The following TENM4 variants were observed in gnomAD, a reference collection of about 807,000 sequenced individuals.
TENM4 encodes teneurin transmembrane protein 4.
In TENM4, 82 loss-of-function variants were observed where a neutral mutation model predicts 243.3. The ratio of observed to expected loss-of-function variants is 0.34; its 90% CI spans 0.28 to 0.40. TENM4 has a LOEUF of 0.40. TENM4 is among the 10% of genes least tolerant of loss of function. The probability of loss-of-function intolerance (pLI) is 1.00; values close to 1 mark genes in which losing one functional copy is unlikely to be tolerated. For synonymous variants in TENM4, 1,412 were observed against 1,456.3 expected (o/e 0.97, Z 0.69); for missense variants, 3,138 against 3,673.3 (o/e 0.85, Z 3.77).
At chr11:79,028,003 C>T (rs1206296372) in intron 6 of TENM4, among the ~76,000 whole-genome samples, 1 of 152,124 alleles carries the variant, frequency 6.6e-6, no homozygotes, top group East Asian at 1.9e-4. Flanking sequence ...TCAAATAAAC[C>T]CTGAGAAGCC....
At chr11:79,414,168 ACAC>A (rs1565336637) in intron 1 of TENM4, among the ~76,000 whole-genome samples, 1 of 151,940 alleles carries the variant, frequency 6.6e-6, no homozygotes, top group African/African-American at 2.4e-5. Flanking sequence ...ACACACACAC[ACAC>A]ACACACACAC....
At chr11:78,801,608 G>T (rs1857284079) in intron 15 of TENM4, among the ~76,000 whole-genome samples, 3 of 152,170 alleles carry the variant, frequency 2.0e-5, no homozygotes, top group Admixed American at 2.0e-4. Flanking sequence ...TGAGTGCAGG[G>T]CATGTTGATT....
At chr11:79,412,255 A>T (rs1391521235) in intron 1 of TENM4, among the ~76,000 whole-genome samples, 1 of 152,282 alleles carries the variant, frequency 6.6e-6, no homozygotes, top group Non-Finnish European at 1.5e-5. Flanking sequence ...GATAACCAAC[A>T]GGCTGTGAGA....
At chr11:78,819,390 T>C (rs1424284164) in intron 12 of TENM4, among the ~76,000 whole-genome samples, 5 of 152,232 alleles carry the variant, frequency 3.3e-5, no homozygotes, top group Non-Finnish European at 7.3e-5. Flanking sequence ...TCTAAAATCC[T>C]GAAGCCTCAT....
chr11:79,271,074 CATG>C (rs1483193430), intron 2 of TENM4, among the ~76,000 whole-genome samples: 1 of 152,122 alleles, frequency 6.6e-6, no homozygotes, highest in Non-Finnish European at 1.5e-5. Context: ...AGTCATTTTT[CATG>C]ATGACTTCTG....
intron 15 of TENM4, among the ~76,000 whole-genome samples, chr11:78,800,334 G>T (rs1857254697): frequency 6.6e-6 from 1 of 152,174 alleles, no homozygotes; most frequent in African/African-American, 2.4e-5. Context: ...TGAAGGAGGT[G>T]AAATGATGCC....
chr11:79,378,422 G>T (rs1857934462), intron 1 of TENM4, among the ~76,000 whole-genome samples: 1 of 152,264 alleles, frequency 6.6e-6, no homozygotes, highest in Non-Finnish European at 1.5e-5. Context: ...GACTGGTGGA[G>T]AAGGAACATT....
intron 4 of TENM4, among the ~76,000 whole-genome samples, chr11:79,079,232 C>G (rs527481321): frequency 6.6e-5 from 10 of 152,284 alleles, no homozygotes; most frequent in Admixed American, 5.9e-4. Context: ...CCGCTGTCTA[C>G]AGAAGCCATC....
At position 78,957,000 on chromosome 11, in the gene TENM4, A is replaced by T. The variant is rs149352026; in HGVS notation, c.494-53477T>A. On this transcript the variant is annotated intron_variant, in intron 6 of 33. Transcript: ENST00000278550. The stretch of plus-strand genomic sequence containing the variant: ...CCAATAAATTAAATACCAATTTTAA[A>T]GGGTCTCTCTGTTTAGAATACCCTT... Among the ~76,000 whole-genome samples, 968 of 152,342 alleles carry T rather than the reference A, an allele frequency of 6.4e-3. 10 individuals carry two copies. The highest frequency in any genetic ancestry group is 0.022 in the African/African-American group (928 of 41,580).
At chr11:79,020,094 T>C (rs1161784487) in intron 6 of TENM4, among the ~76,000 whole-genome samples, 1 of 152,188 alleles carries the variant, frequency 6.6e-6, no homozygotes, top group African/African-American at 2.4e-5. Flanking sequence ...ACTTCTTTGT[T>C]AAATAGAACA....
At chr11:79,263,640 G>A (rs538569884) in intron 2 of TENM4, among the ~76,000 whole-genome samples, 13 of 152,200 alleles carry the variant, frequency 8.5e-5, no homozygotes, top group Non-Finnish European at 1.5e-4. Context: ...CTTGTTGCAG[G>A]TGGTATGCAG....
At chr11:79,291,482 A>G (rs1300434684) in intron 2 of TENM4, among the ~76,000 whole-genome samples, 1 of 152,128 alleles carries the variant, frequency 6.6e-6, no homozygotes, top group Non-Finnish European at 1.5e-5. Context: ...CACCCTAGCA[A>G]CAAGGAAGCC....
At chr11:79,288,385 C>T (rs1477122085) in intron 2 of TENM4, among the ~76,000 whole-genome samples, 1 of 152,192 alleles carries the variant, frequency 6.6e-6, no homozygotes, top group Non-Finnish European at 1.5e-5. Context: ...CAGAAATGTC[C>T]CCAGCTCACC....
chr11:79,334,474 T>G (rs960946331), intron 1 of TENM4, among the ~76,000 whole-genome samples: 2 of 152,192 alleles, frequency 1.3e-5, no homozygotes, highest in Non-Finnish European at 2.9e-5. Flanking sequence ...CCCTGAGCAC[T>G]TTCTAACACA....
intron 3 of TENM4, among the ~76,000 whole-genome samples, chr11:79,164,241 A>G (rs1387128062): frequency 1.5e-5 from 1 of 64,630 alleles, no homozygotes; most frequent in East Asian, 2.6e-4. Flanking sequence ...TATACAGTAT[A>G]TATAGTATAT....
intron 9 of TENM4, among the ~76,000 whole-genome samples, chr11:78,879,628 G>A (rs1330693163): frequency 2.2e-5 from 3 of 136,308 alleles, no homozygotes; most frequent in Admixed American, 7.4e-5. Flanking sequence ...CCCCGTCTGG[G>A]AGGTGGGGAG....
At chr11:78,943,190 G>T (rs189401563) in intron 6 of TENM4, among the ~76,000 whole-genome samples, 1 of 152,342 alleles carries the variant, frequency 6.6e-6, no homozygotes, top group Admixed American at 6.5e-5. Context: ...GTCTGTAGGT[G>T]GCAACCCCCA....
intron 2 of TENM4, among the ~76,000 whole-genome samples, chr11:79,224,443 T>C (rs911697053): frequency 6.6e-6 from 1 of 152,106 alleles, no homozygotes; most frequent in Non-Finnish European, 1.5e-5. Context: ...TATCTAGTAG[T>C]GCAAATGGTA....
chr11:78,910,524 G>A (rs1171375188), intron 6 of TENM4, among the ~76,000 whole-genome samples: 1 of 152,230 alleles, frequency 6.6e-6, no homozygotes, highest in Non-Finnish European at 1.5e-5. Context: ...CTGATAGCCT[G>A]ACTTCCAGTC....
Sources: allele counts gnomAD v4.1 joint callset (sites outside exome capture counted in the v4.1 genomes callset), GRCh38; gene constraint gnomAD v4.1.1; transcripts MANE v1.5; gene names NCBI Gene and HGNC (gene_info 2026-07-23, HGNC 2026-07-21).